The following DDX52 variants were observed in gnomAD, a reference collection of about 807,000 sequenced individuals.
DDX52 encodes the protein DExD-box helicase 52, also known as probable ATP-dependent RNA helicase DDX52.
DDX52 carries 59 observed loss-of-function variants against 76.1 expected under a neutral mutation model. That is an observed-to-expected ratio of 0.78 (90% CI 0.63 to 0.96). The LOEUF (loss-of-function observed/expected upper bound fraction) is 0.96. Among genes scored for constraint, DDX52 ranks in the 40% least tolerant of loss-of-function variants. The pLI is 0.00. For missense variants in DDX52, 707 were observed against 703.9 expected, an observed-to-expected ratio of 1.00 and a Z score of -0.05; for synonymous variants, 231 against 244.1, an observed-to-expected ratio of 0.95 and a Z score of 0.50.
At position 37,632,207 on chromosome 17, in the gene DDX52, T is replaced by C. The variant is rs751586664; in HGVS notation, c.509A>G (p.Tyr170Cys). 1.2e-6 allele frequency: 2 copies of C among 1,614,022 alleles called. No individual in the cohort carries two copies. The highest frequency in any genetic ancestry group is 4.5e-5 in the East Asian group (2 of 44,886). ...IATFQQLDQE[Y>C]KINSRLLQNI... ...CTGAAGTAGTCGAGAATTGATTTTA[T>C]ATTCCTGGTCAAGTTGCTGAAATGT... The change falls in exon 4 of 15, where the codon TAT (tyrosine) becomes TGT (cysteine). Residue 170 changes from tyrosine (Y) to cysteine (C), a missense_variant. Tyr to Cys is a radical substitution (Grantham distance 194, BLOSUM62 -2). Transcript: ENST00000617633.
At chr17:37,625,314 G>A (rs2030309983) in intron 8 of DDX52, among the ~76,000 whole-genome samples, 1 of 152,030 alleles carries the variant, frequency 6.6e-6, no homozygotes, top group African/African-American at 2.4e-5. Context: ...TTATAAACAG[G>A]AATTTTAGGT....
At position 37,612,047 on chromosome 17, in the gene DDX52, A is replaced by C. The variant is rs1000343168; in HGVS notation, c.*2249T>G. On this transcript the variant is annotated 3_prime_UTR_variant, in exon 15 of 15. Transcript: ENST00000617633. ...TTTATTGAAGAAAAAATATATATCT[A>C]ATATATATAATACATAATATATATA... 1.3e-5 allele frequency: 2 copies of C among 149,352 alleles called. No individual in the cohort carries two copies. The highest frequency in any genetic ancestry group is 3.0e-5 in the Non-Finnish European group (2 of 67,496). 9.3% of individuals were successfully genotyped at this position (149,352 alleles called of 1,614,324 possible). A position where few individuals can be genotyped will look rare whatever the true frequency, so the allele number is the denominator to read the frequency against.
At chr17:37,615,782 G>A (rs1245278575) in intron 14 of DDX52, among the ~76,000 whole-genome samples, 2 of 152,116 alleles carry the variant, frequency 1.3e-5, no homozygotes, top group Non-Finnish European at 2.9e-5. Context: ...TTGGGAGGCC[G>A]AGGCGGGCGG....
intron 7 of DDX52, 33 bp downstream of exon 7, chr17:37,626,755 T>C: frequency 6.3e-7 from 1 of 1,580,836 alleles, no homozygotes; most frequent in South Asian, 1.2e-5. Context: ...AAATTAAAAA[T>C]ACACACGAAA....
Position 37,624,753 on chromosome 17 carries a change from GGTT to G in DDX52, c.1137-322_1137-320del, listed in dbSNP as rs1465176975. ...AGTAAAATAATAAAAATATTTTTAA[GGTT>G]GTTATTACACATGGTTAAACATTTT... On this transcript the variant is annotated intron_variant, in intron 8 of 14. Transcript: ENST00000617633. 4.6e-5 allele frequency among the ~76,000 whole-genome samples: 7 copies of G among 151,930 alleles called. No individual in the cohort carries two copies. The East Asian group carries it at 1.4e-3, about 29-fold the overall frequency.
chr17:37,629,278 T>G (rs7214681), intron 5 of DDX52, among the ~76,000 whole-genome samples: 2 of 117,768 alleles, frequency 1.7e-5, no homozygotes, highest in South Asian at 2.4e-4. Flanking sequence ...CACACACACA[T>G]AGTACTATTA....
intron 4 of DDX52, among the ~76,000 whole-genome samples, chr17:37,630,647 T>G (rs907402868): frequency 1.5e-4 from 23 of 151,078 alleles, no homozygotes; most frequent in Non-Finnish European, 3.3e-4. Flanking sequence ...GTGTTTTTTT[T>G]TTTTTTTTTT....
chr17:37,641,564 C>T (rs2031202072), intron 2 of DDX52, among the ~76,000 whole-genome samples: 1 of 151,578 alleles, frequency 6.6e-6, no homozygotes, highest in African/African-American at 2.4e-5. Flanking sequence ...TGGTGAAACC[C>T]CATCTCTACT....
chr17:37,619,817 C>A lies in DDX52; in HGVS notation c.1600G>T (p.Ala534Ser), dbSNP rs998694654. The change falls in exon 13 of 15, where the codon GCT (alanine) becomes TCT (serine). Residue 534 changes from alanine (A) to serine (S), a missense_variant. Ala to Ser is a moderately conservative substitution (Grantham distance 99). Coordinates refer to ENST00000617633, the MANE Select transcript of DDX52 (RefSeq NM_007010.5). ...ATGTATTCTGGTACAGGACACCCAGCCTGCTGTATAACATTAGCAACGCTG... is the reference window on the plus strand; with the variant it reads ...ATGTATTCTGGTACAGGACACCCAGACTGCTGTATAACATTAGCAACGCTG... The part of the protein sequence containing the change: ...LRSVANVIQQ[A>S]GCPVPEYIKG... 15 of 1,613,790 alleles carry A rather than the reference C, an allele frequency of 9.3e-6. No homozygotes were observed. Among genetic ancestry groups the A allele is most frequent in the Non-Finnish European group, 1.2e-5 (14 of 1,179,952 alleles).
At chr17:37,642,975 A>G (rs1344850385) in intron 1 of DDX52, 2 of 190,912 alleles carry the variant, frequency 1.0e-5, no homozygotes, top group Non-Finnish European at 2.1e-5. Flanking sequence ...CTATAGTAAG[A>G]GAATCTGTTT....
At chr17:37,636,615 C>T (rs1218997785) in intron 2 of DDX52, among the ~76,000 whole-genome samples, 3 of 152,160 alleles carry the variant, frequency 2.0e-5, no homozygotes, top group African/African-American at 7.2e-5. Context: ...ATGAATTCTG[C>T]TTAAAACTGA....
chr17:37,613,336 G>A lies in DDX52; in HGVS notation c.*960C>T, dbSNP rs886264129. 9.2e-5 allele frequency: 14 copies of A among 152,088 alleles called. No individual in the cohort carries two copies. The highest frequency in any genetic ancestry group is 2.1e-4 in the Non-Finnish European group (14 of 68,006). The allele number at this position is 152,088 out of a possible 1,614,324, so 9.4% of individuals were successfully genotyped here. On this transcript the variant is annotated 3_prime_UTR_variant, in exon 15 of 15. Transcript: ENST00000617633. ...TTAAATGAGGCACCATCAACCTAAG[G>A]AAAGATAAGCTGTAAGAGAATGAAG...
chr17:37,621,365 C>T (rs2147341507), intron 10 of DDX52, 33 bp downstream of exon 10: 3 of 1,599,418 alleles, frequency 1.9e-6, no homozygotes, highest in Non-Finnish European at 2.6e-6. Context: ...TCAAGTAGTT[C>T]TTCTGAGTTT....
rs1462774527 is a variant in DDX52 at position 37,611,287 on chromosome 17, G to C, written c.*3009C>G. ...GGAAGACAGTGAGACTGATGATCCT[G>C]ACCTTTTGTATGCCTAGCATAATGT... On this transcript the variant is annotated 3_prime_UTR_variant, in exon 15 of 15. Coordinates refer to ENST00000617633, the MANE Select transcript of DDX52 (RefSeq NM_007010.5). 6.6e-6 allele frequency: 1 copy of C among 152,176 alleles called. No individual in the cohort carries two copies. Among genetic ancestry groups the C allele is most frequent in the African/African-American group, 2.4e-5 (1 of 41,428 alleles). 9.4% of individuals were successfully genotyped at this position (152,176 alleles called of 1,614,324 possible).
rs374962383 is a variant in DDX52, at chr17:37,642,233, C to A, written c.163G>T (p.Val55Phe). 1.9e-6 allele frequency: 3 copies of A among 1,613,988 alleles called. No homozygotes were observed. Among genetic ancestry groups the A allele is most frequent in the African/African-American group, 1.3e-5 (1 of 74,888 alleles). The change falls in exon 2 of 15, where the codon GTC becomes TTC. Residue 55 changes from valine to phenylalanine, a missense_variant. Transcript: ENST00000617633. ...TGTGATGCTCCACACACACCTGGGA[C>A]AGACTTCTTGTTTCCAAAAAAGTCC... ...GLDFFGNKKS[V>F]PGVCGASQTH... is the part of the protein sequence containing the mutation.
chr17:37,638,657 A>G (rs1186616926), intron 2 of DDX52, among the ~76,000 whole-genome samples: 2 of 152,250 alleles, frequency 1.3e-5, no homozygotes, highest in Non-Finnish European at 2.9e-5. Flanking sequence ...GACATCTGAA[A>G]AAAATTTTAG....
Position 37,626,926 on chromosome 17 carries a change from G to A in DDX52, c.860-66C>T. 3.0e-6 allele frequency: 4 copies of A among 1,351,562 alleles called. No homozygotes were observed. The Admixed American group carries it at 8.1e-5, about 27-fold the overall frequency. The allele number at this position is 1,351,562 out of a possible 1,614,324, so 83.7% of individuals were successfully genotyped here. Reference sequence around the variant, plus strand: ...TTATCCCTCTTGAACTAGGAATTAAGCCTCCTCAACTTCAGTTAATAACCT... The same window carrying A: ...TTATCCCTCTTGAACTAGGAATTAAACCTCCTCAACTTCAGTTAATAACCT... On this transcript the variant is annotated intron_variant, in intron 6 of 14. Transcript: ENST00000617633.
At chr17:37,630,247 C>A in intron 4 of DDX52, 74 bp from the exon 5 acceptor site, 1 of 1,398,364 alleles carries the variant, frequency 7.2e-7, no homozygotes, top group Non-Finnish European at 9.5e-7. Context: ...AATAACGCTA[C>A]CAGCCATAGA....
chr17:37,621,118 A>G lies in DDX52; in HGVS notation c.1501+9T>C. The G allele has an allele frequency of 6.3e-7, 1 of 1,598,450 alleles. No homozygotes were observed. Among genetic ancestry groups the G allele is most frequent in the Non-Finnish European group, 8.5e-7 (1 of 1,173,766 alleles). On this transcript the variant is annotated intron_variant, in intron 11 of 14. Transcript: ENST00000617633. The stretch of plus-strand genomic sequence containing the variant: ...GTGACAGAGGGGAAGGAAAAAAAAG[A>G]CAACTCACCTATCCTGTGGATATAT...
Sources: gnomAD v4.1 joint callset for allele counts (sites outside exome capture counted in the v4.1 genomes callset) on GRCh38, gnomAD v4.1.1 for gene constraint, MANE v1.5 for transcripts, NCBI Gene and HGNC (gene_info 2026-07-23, HGNC 2026-07-21) for gene names.